The following CASTOR2 variants were observed in gnomAD, a reference collection of about 807,000 sequenced individuals.
CASTOR2 encodes GATS protein like 2.
In CASTOR2, 8 loss-of-function variants were observed where a neutral mutation model predicts 31.2. The observed-to-expected ratio is 0.26, with a 90% CI of 0.15 to 0.46. CASTOR2 has a LOEUF of 0.46. Ranked by LOEUF, CASTOR2 falls within the 20% of genes least tolerant of loss-of-function variation. The pLI, the probability that CASTOR2 is intolerant of heterozygous loss-of-function variation, is 0.99. For missense variants in CASTOR2, 216 were observed against 382.1 expected (o/e 0.57, Z 3.62); for synonymous variants, 162 against 158.7 (o/e 1.02, Z -0.16).
intron 1 of CASTOR2, among the ~76,000 whole-genome samples, chr7:74,972,739 G>A (rs1426201536): frequency 6.6e-6 from 1 of 150,412 alleles, no homozygotes; most frequent in Non-Finnish European, 1.5e-5. Context: ...GAGTGCAATG[G>A]CGCAATCTCG....
chr7:74,982,681 C>A (rs1462393431), intron 1 of CASTOR2, among the ~76,000 whole-genome samples: 1 of 71,852 alleles, frequency 1.4e-5, no homozygotes, highest in Non-Finnish European at 2.8e-5. Context: ...ACTAAAAATA[C>A]AAAATTAGCC....
chr7:75,007,196 G>C (rs1220740864), intron 1 of CASTOR2, among the ~76,000 whole-genome samples: 7 of 152,056 alleles, frequency 4.6e-5, no homozygotes, highest in Non-Finnish European at 1.0e-4. Flanking sequence ...ACAGGGACAT[G>C]GGTGTTGAGG....
intron 2 of CASTOR2, among the ~76,000 whole-genome samples, chr7:75,011,766 G>A (rs1452423616): frequency 7.0e-6 from 1 of 143,280 alleles, no homozygotes; most frequent in African/African-American, 2.7e-5. Flanking sequence ...AAAGGAGTTC[G>A]AGACCAGCCT....
rs1172878508 is a variant in CASTOR2, at chr7:75,011,975, G to GA, written c.184+3923dup. 1.9e-3 allele frequency among the ~76,000 whole-genome samples: 245 copies of GA among 131,998 alleles called. No individual in the cohort carries two copies. In the Middle Eastern group the frequency reaches 0.023, roughly 12 times the overall value. 86.6% of individuals were successfully genotyped at this position (131,998 alleles called of 152,430 possible). A position where few individuals can be genotyped will look rare whatever the true frequency, so the allele number is the denominator to read the frequency against. On this transcript the variant is annotated intron_variant, in intron 2 of 8. Transcript: ENST00000616305. ...GAGTGAGACTCCGTCTTAAAAGAAAGAAAAAAAAAAAACAAGAGTAAAGAC... is the reference window on the plus strand; with the variant it reads ...GAGTGAGACTCCGTCTTAAAAGAAAGAAAAAAAAAAAAACAAGAGTAAAGAC...
chr7:75,018,013 T>C lies in CASTOR2; in HGVS notation c.402T>C (p.Phe134=). The change falls in exon 4 of 9, where the codon TTT becomes TTC. Residue 134 remains phenylalanine, a synonymous_variant. Coordinates refer to ENST00000616305, the MANE Select transcript of CASTOR2 (RefSeq NM_001145064.3). The part of the protein sequence containing the change: ...FILVRERDLP[F]VTHTLSSEFT... The stretch of plus-strand genomic sequence containing the variant: ...AGGTGCGCGAGCGGGACCTGCCCTT[T>C]GTCACCCACACATTGTCATCAGAGT... 6.2e-7 allele frequency: 1 copy of C among 1,614,206 alleles called. No homozygotes were observed. Among genetic ancestry groups the C allele is most frequent in the East Asian group, 2.2e-5 (1 of 44,882 alleles).
rs1246638181 is a variant in CASTOR2, at chr7:75,029,353, TGGG to T, written c.*4658_*4660del. On this transcript the variant is annotated 3_prime_UTR_variant, in exon 9 of 9. Coordinates refer to ENST00000616305, the MANE Select transcript of CASTOR2 (RefSeq NM_001145064.3). ...GGGCAAGAGCACCTCAGCCCTGCAA[TGGG>T]GGGATCTTTTTTTTTTTTTTTTTTT... Among the ~76,000 whole-genome samples the T allele has an allele frequency of 1.4e-5, 2 of 142,886 alleles. No homozygotes were observed. Among genetic ancestry groups the T allele is most frequent in the African/African-American group, 2.6e-5 (1 of 38,120 alleles). The allele number at this position is 142,886 out of a possible 152,430, so 93.7% of individuals were successfully genotyped here. A position where few individuals can be genotyped will look rare whatever the true frequency, so the allele number is the denominator to read the frequency against.
intron 1 of CASTOR2, among the ~76,000 whole-genome samples, chr7:75,002,775 TCA>T (rs1386590133): frequency 1.3e-5 from 2 of 151,824 alleles, no homozygotes; most frequent in Non-Finnish European, 2.9e-5. Flanking sequence ...AAAACGGATC[TCA>T]GAGTGACCTT....
In CASTOR2 at chr7:75,028,089, G is replaced by A. The variant is rs947062704; in HGVS notation, c.*3390G>A. 6 of 1,529,688 alleles carry A rather than the reference G, an allele frequency of 3.9e-6. No individual in the cohort carries two copies. Among genetic ancestry groups the A allele is most frequent in the South Asian group, 3.6e-5 (3 of 83,198 alleles). The allele number at this position is 1,529,688 out of a possible 1,614,324, so 94.8% of individuals were successfully genotyped here. A position where few individuals can be genotyped will look rare whatever the true frequency, so the allele number is the denominator to read the frequency against. On this transcript the variant is annotated 3_prime_UTR_variant, in exon 9 of 9. Coordinates refer to ENST00000616305, the MANE Select transcript of CASTOR2 (RefSeq NM_001145064.3). ...CGGATGGGGCAGGTGCCTGGCGGGG[G>A]AGGAAGAGGGCTCTCTATGATGTGG...
At chr7:75,007,041 G>T (rs1176335702) in intron 1 of CASTOR2, among the ~76,000 whole-genome samples, 1 of 152,150 alleles carries the variant, frequency 6.6e-6, no homozygotes, top group African/African-American at 2.4e-5. Context: ...CCCATGCCCG[G>T]CTTTGTGCTG....
chr7:74,990,809 C>T (rs1340739245), intron 1 of CASTOR2, among the ~76,000 whole-genome samples: 6 of 152,240 alleles, frequency 3.9e-5, no homozygotes, highest in East Asian at 1.9e-4. Context: ...GAGCTGAGAT[C>T]GTGCCACTGT....
intron 1 of CASTOR2, among the ~76,000 whole-genome samples, chr7:74,981,734 T>C (rs1803949711): frequency 1.3e-5 from 2 of 151,252 alleles, no homozygotes; most frequent in South Asian, 4.2e-4. Flanking sequence ...GCCTATTTTT[T>C]TTTTAATAAT....
chr7:75,016,471 C>T (rs1321118969), intron 2 of CASTOR2, among the ~76,000 whole-genome samples: 1 of 152,164 alleles, frequency 6.6e-6, no homozygotes. Context: ...ATGATGCAGC[C>T]TCTTCAGGGG....
intron 7 of CASTOR2, among the ~76,000 whole-genome samples, chr7:75,022,765 C>T (rs1304766935): frequency 2.0e-5 from 3 of 152,306 alleles, no homozygotes; most frequent in African/African-American, 7.2e-5. Context: ...CTCCATTGCA[C>T]TCCTGCCTGG....
At chr7:75,016,195 C>G (rs1186565365) in intron 2 of CASTOR2, among the ~76,000 whole-genome samples, 2 of 152,160 alleles carry the variant, frequency 1.3e-5, no homozygotes, top group African/African-American at 4.8e-5. Context: ...TGAAGAGCCC[C>G]GAATGCAGCC....
intron 2 of CASTOR2, among the ~76,000 whole-genome samples, chr7:75,008,998 C>A (rs1194723343): frequency 1.3e-5 from 2 of 152,140 alleles, no homozygotes; most frequent in Non-Finnish European, 2.9e-5. Flanking sequence ...ACTCTGTCAC[C>A]CAGGCTGGAG....
intron 2 of CASTOR2, among the ~76,000 whole-genome samples, chr7:75,015,894 C>T (rs1410918105): frequency 2.0e-5 from 3 of 152,092 alleles, no homozygotes; most frequent in African/African-American, 7.2e-5. Context: ...TGGTGAAACC[C>T]CATCTTTACT....
chr7:75,017,274 C>G (rs1314583691), intron 2 of CASTOR2, among the ~76,000 whole-genome samples: 2 of 151,796 alleles, frequency 1.3e-5, no homozygotes, highest in African/African-American at 2.4e-5. Flanking sequence ...TGGTGAAACC[C>G]TGTCTCTACT....
At position 75,026,402 on chromosome 7, in the gene CASTOR2, G is replaced by A. The variant is rs1008959393; in HGVS notation, c.*1703G>A. ...GACGGGATTTCGTAACATTGCTCAG[G>A]CTGGTCTTGAACTCCTGAGTTAAGT... On this transcript the variant is annotated 3_prime_UTR_variant, in exon 9 of 9. Transcript: ENST00000616305. Among the ~76,000 whole-genome samples, 11 of 151,918 alleles carry A rather than the reference G, an allele frequency of 7.2e-5. No homozygotes were observed. The East Asian group carries it at 1.9e-3, about 27-fold the overall frequency.
Position 75,024,546 on chromosome 7 carries a change from G to A in CASTOR2, c.924+12G>A. On this transcript the variant is annotated intron_variant, in intron 8 of 8. Coordinates refer to ENST00000616305, the MANE Select transcript of CASTOR2 (RefSeq NM_001145064.3). ...TTGATCATGCACTTGTGAGTGTCCA[G>A]CGCCAGACCCCTCCAGGGCAGGGCC... The A allele has an allele frequency of 7.1e-6, 11 of 1,551,552 alleles. No homozygotes were observed. Among genetic ancestry groups the A allele is most frequent in the Non-Finnish European group, 9.6e-6 (11 of 1,146,840 alleles).
Sources: gnomAD v4.1 joint callset for allele counts (sites outside exome capture counted in the v4.1 genomes callset) on GRCh38, gnomAD v4.1.1 for gene constraint, MANE v1.5 for transcripts, NCBI Gene and HGNC (gene_info 2026-07-23, HGNC 2026-07-21) for gene names.